ATP8A1: variants seen among roughly 807,000 people sequenced by gnomAD.
ATP8A1 encodes ATPase phospholipid transporting 8A1, also known as phospholipid-transporting ATPase IA.
Under a neutral mutation model 177.7 loss-of-function variants are expected in ATP8A1, and 90 were observed. That is an observed-to-expected ratio of 0.51 (90% CI 0.43 to 0.60). ATP8A1 has a LOEUF of 0.60. ATP8A1 is among the 20% of genes least tolerant of loss of function. ATP8A1 has a pLI of 0.00. For synonymous variants in ATP8A1, 493 were observed against 485.9 expected (o/e 1.01, Z -0.19); for missense variants, 1,072 against 1,392.8 (o/e 0.77, Z 3.67).
At chr4:42,550,349 T>C (rs1014985071) in intron 18 of ATP8A1, among the ~76,000 whole-genome samples, 1 of 152,216 alleles carries the variant, frequency 6.6e-6, no homozygotes, top group Admixed American at 6.5e-5. Context: ...CATTCTTCTA[T>C]TGATGGGCAT....
chr4:42,555,400 A>G (rs1730109702), intron 16 of ATP8A1, among the ~76,000 whole-genome samples: 1 of 151,756 alleles, frequency 6.6e-6, no homozygotes, highest in Non-Finnish European at 1.5e-5. Flanking sequence ...AGGTTCAATA[A>G]TCATTTAAAA....
chr4:42,472,889 A>G (rs984219792), intron 25 of ATP8A1, among the ~76,000 whole-genome samples: 2 of 152,208 alleles, frequency 1.3e-5, no homozygotes, highest in African/African-American at 2.4e-5. Flanking sequence ...AATGAAAATA[A>G]AAACACAGAG....
At chr4:42,636,372 G>C (rs1018664846) in intron 1 of ATP8A1, among the ~76,000 whole-genome samples, 3 of 151,120 alleles carry the variant, frequency 2.0e-5, no homozygotes, top group African/African-American at 7.3e-5. Context: ...GTTCGATTGT[G>C]AGCCTGACAG....
chr4:42,517,690 T>C (rs150738798), intron 22 of ATP8A1, among the ~76,000 whole-genome samples: 48 of 152,304 alleles, frequency 3.2e-4, no homozygotes, highest in Middle Eastern at 6.8e-3. Flanking sequence ...ATAAACAAAA[T>C]AGATGTGTCG....
chr4:42,550,199 T>G (rs1577564731), intron 18 of ATP8A1, among the ~76,000 whole-genome samples: 1 of 21,408 alleles, frequency 4.7e-5, no homozygotes, highest in East Asian at 6.5e-3. Context: ...TGTCTGGCTT[T>G]TTTTTTTTTT....
chr4:42,583,606 G>C (rs1288246838), intron 9 of ATP8A1, among the ~76,000 whole-genome samples: 1 of 152,140 alleles, frequency 6.6e-6, no homozygotes, highest in East Asian at 1.9e-4. Flanking sequence ...GAATTAGTTA[G>C]TTTTCATCAT....
intron 15 of ATP8A1, among the ~76,000 whole-genome samples, chr4:42,567,175 G>A (rs1015540884): frequency 1.3e-5 from 2 of 152,148 alleles, no homozygotes; most frequent in Non-Finnish European, 2.9e-5. Context: ...GGAAACATTT[G>A]TTCTTTCATT....
In ATP8A1 at chr4:42,412,279, T is replaced by C. The variant is rs944898106; in HGVS notation, c.*637A>G. The C allele has an allele frequency of 6.6e-6, 1 of 152,228 alleles. No individual in the cohort carries two copies. The highest frequency in any genetic ancestry group is 1.5e-5 in the Non-Finnish European group (1 of 68,038). The allele number at this position is 152,228 out of a possible 1,614,324, so 9.4% of individuals were successfully genotyped here. Reference sequence around the variant, plus strand: ...TCATTTTTGTAAATCACTCTTACATTTGGAAAGTCAGGCATGCAGATCTTA... The same window carrying C: ...TCATTTTTGTAAATCACTCTTACATCTGGAAAGTCAGGCATGCAGATCTTA... On this transcript the variant is annotated 3_prime_UTR_variant, in exon 37 of 37. Coordinates refer to ENST00000381668, the MANE Select transcript of ATP8A1 (RefSeq NM_006095.2).
At position 42,448,825 on chromosome 4, in the gene ATP8A1, T is replaced by G. The variant is rs534007685; in HGVS notation, c.2897-2181A>C. On this transcript the variant is annotated intron_variant, in intron 30 of 36. Transcript: ENST00000381668. ...AAATCCATCAGTCTACTTTGTACTT[T>G]GCGTTTTTTTTTTTTTTTTTTTTTT... Among the ~76,000 whole-genome samples the G allele has an allele frequency of 1.5e-4, 19 of 131,030 alleles. No individual in the cohort carries two copies. The East Asian group carries it at 4.0e-3, about 28-fold the overall frequency. The allele number at this position is 131,030 out of a possible 152,430, so 86.0% of individuals were successfully genotyped here. A position where few individuals can be genotyped will look rare whatever the true frequency, so the allele number is the denominator to read the frequency against.
chr4:42,606,601 T>C (rs1352716502), intron 5 of ATP8A1, among the ~76,000 whole-genome samples: 2 of 152,222 alleles, frequency 1.3e-5, no homozygotes, highest in Non-Finnish European at 2.9e-5. Context: ...TCTTAGGCAG[T>C]GTTCAGCATC....
intron 27 of ATP8A1, among the ~76,000 whole-genome samples, chr4:42,462,821 G>A (rs750147967): frequency 7.6e-4 from 115 of 152,290 alleles, no homozygotes; most frequent in Non-Finnish European, 1.4e-3. Context: ...GGGGCAGAGC[G>A]GCCCAAGACC....
At chr4:42,442,247 G>A (rs1399762319) in intron 33 of ATP8A1, among the ~76,000 whole-genome samples, 1 of 152,160 alleles carries the variant, frequency 6.6e-6, no homozygotes, top group African/African-American at 2.4e-5. Context: ...TATGTCTAAT[G>A]AAAAAGATAT....
intron 20 of ATP8A1, among the ~76,000 whole-genome samples, chr4:42,537,549 G>A (rs140073937): frequency 3.9e-4 from 60 of 152,262 alleles, no homozygotes; most frequent in African/African-American, 1.3e-3. Context: ...CCTAGAACTG[G>A]TAAATGAATT....
At chr4:42,612,135 G>A (rs766500414) in intron 5 of ATP8A1, among the ~76,000 whole-genome samples, 15 of 152,088 alleles carry the variant, frequency 9.9e-5, no homozygotes, top group Non-Finnish European at 1.6e-4. Context: ...GCCATATTTG[G>A]ATTTTATCAG....
chr4:42,601,989 C>T (rs1005373333), intron 5 of ATP8A1, among the ~76,000 whole-genome samples: 1 of 107,742 alleles, frequency 9.3e-6, no homozygotes, highest in African/African-American at 3.2e-5. Context: ...TACATTATGT[C>T]TTAGCCATTT....
chr4:42,415,814 A>G (rs1313767996), intron 35 of ATP8A1, among the ~76,000 whole-genome samples: 3 of 152,212 alleles, frequency 2.0e-5, no homozygotes, highest in African/African-American at 7.2e-5. Context: ...AATATCATAT[A>G]CAAAAAAAGG....
chr4:42,451,009 G>A (rs1387514310), intron 30 of ATP8A1, among the ~76,000 whole-genome samples: 1 of 152,186 alleles, frequency 6.6e-6, no homozygotes, highest in African/African-American at 2.4e-5. Flanking sequence ...CAGACCTGAG[G>A]CATCGGAGGG....
chr4:42,577,199 G>C (rs1482811918), intron 12 of ATP8A1, among the ~76,000 whole-genome samples: 3 of 152,124 alleles, frequency 2.0e-5, no homozygotes, highest in African/African-American at 7.2e-5. Context: ...TGATTATCTA[G>C]CTTACTTATG....
chr4:42,581,296 G>A (rs1483213626), intron 10 of ATP8A1, among the ~76,000 whole-genome samples: 2 of 152,108 alleles, frequency 1.3e-5, no homozygotes, highest in Non-Finnish European at 2.9e-5. Flanking sequence ...ACCACGCCCG[G>A]CTAATTTTTT....
Sources: allele counts gnomAD v4.1 joint callset (sites outside exome capture counted in the v4.1 genomes callset), GRCh38; gene constraint gnomAD v4.1.1; transcripts MANE v1.5; gene names NCBI Gene and HGNC (gene_info 2026-07-23, HGNC 2026-07-21).